Variants in UGT2B15 observed in about 807,000 individuals in gnomAD.
UGT2B15 encodes UDP glucuronosyltransferase family 2 member B15.
In UGT2B15, 36 loss-of-function variants were observed where a neutral mutation model predicts 45.9. The observed-to-expected ratio is 0.78, with a 90% CI of 0.60 to 1.04. The LOEUF (loss-of-function observed/expected upper bound fraction) is 1.04, where lower values mean the gene tolerates loss of function less well. UGT2B15 is among the 50% of genes least tolerant of loss of function. The probability of loss-of-function intolerance (pLI) is 0.00; values close to 1 mark genes in which losing one functional copy is unlikely to be tolerated. For synonymous variants in UGT2B15, 219 were observed against 216.4 expected (o/e 1.01, Z -0.11); for missense variants, 617 against 622.4 (o/e 0.99, Z 0.09).
At chr4:68,653,799 A>G (rs1353274190) in intron 5 of UGT2B15, among the ~76,000 whole-genome samples, 4 of 151,962 alleles carry the variant, frequency 2.6e-5, no homozygotes, top group African/African-American at 4.8e-5. Context: ...AATTATCTAC[A>G]TATCTTTAAT....
chr4:68,664,176 G>T (rs529884283), intron 2 of UGT2B15, among the ~76,000 whole-genome samples: 3 of 150,714 alleles, frequency 2.0e-5, no homozygotes, highest in African/African-American at 7.3e-5. Context: ...AAATGAATGA[G>T]AATTATTCTG....
intron 2 of UGT2B15, among the ~76,000 whole-genome samples, chr4:68,665,467 T>G (rs1430023628): frequency 2.0e-5 from 3 of 152,130 alleles, no homozygotes; most frequent in Non-Finnish European, 4.4e-5. Context: ...ATATTTGAAT[T>G]ATTTCCAGAG....
At chr4:68,655,243 G>A in intron 3 of UGT2B15, 61 bp from the exon 4 acceptor site, 1 of 1,548,110 alleles carries the variant, frequency 6.5e-7, no homozygotes, top group Non-Finnish European at 8.9e-7. Context: ...TAGCATGTTA[G>A]AATTCTGAAG....
At chr4:68,650,776 G>T in intron 5 of UGT2B15, among the ~76,000 whole-genome samples, 1 of 151,892 alleles carries the variant, frequency 6.6e-6, no homozygotes, top group East Asian at 1.9e-4. Context: ...AATGTAAAAA[G>T]CTTTCCTATT....
At chr4:68,652,452 T>G (rs1309319987) in intron 5 of UGT2B15, among the ~76,000 whole-genome samples, 5 of 151,602 alleles carry the variant, frequency 3.3e-5, no homozygotes, top group African/African-American at 1.2e-4. Flanking sequence ...TTTATGTTTC[T>G]TTACTTTCTT....
In UGT2B15 at chr4:68,651,734, T is replaced by C. The variant is rs377654259; in HGVS notation, c.1313+2303A>G. ...CTATGTTCTGTTCCATTGGTCTATA[T>C]ATCTGTTTGGTACCAGTACCATTCT... On this transcript the variant is annotated intron_variant, in intron 5 of 5. Coordinates refer to ENST00000338206, the MANE Select transcript of UGT2B15 (RefSeq NM_001076.4). Among the ~76,000 whole-genome samples the C allele has an allele frequency of 4.1e-4, 63 of 152,248 alleles. 1 individual carries two copies. The highest frequency in any genetic ancestry group is 1.5e-3 in the African/African-American group (61 of 41,538).
chr4:68,649,646 G>T (rs896243521), intron 5 of UGT2B15, among the ~76,000 whole-genome samples: 1 of 151,376 alleles, frequency 6.6e-6, no homozygotes, highest in Non-Finnish European at 1.5e-5. Context: ...TATATGTATG[G>T]ATACATATAT....
At chr4:68,664,342 G>A (rs937350761) in intron 2 of UGT2B15, among the ~76,000 whole-genome samples, 2 of 150,074 alleles carry the variant, frequency 1.3e-5, no homozygotes, top group African/African-American at 4.9e-5. Context: ...TATCAAAATT[G>A]TATACTCATC....
At position 68,670,117 on chromosome 4, in the gene UGT2B15, G is replaced by T. The variant is rs747378153; in HGVS notation, c.502C>A (p.Pro168Thr). 6.8e-6 allele frequency: 11 copies of T among 1,613,972 alleles called. No homozygotes were observed. Among genetic ancestry groups the T allele is most frequent in the Non-Finnish European group, 9.3e-6 (11 of 1,179,992 alleles). ...GAGAATCGAAGACTGTACAGAAAGG[G>T]TATGTTAAATAGTTCAGCCAGTAGC... The part of the protein sequence containing the change: ...GELLAELFNI[P>T]FLYSLRFSVG... Residue 168 changes from proline to threonine, a missense_variant, in exon 1 of 6, where the codon CCC becomes ACC. This residue lies in a region of UGT2B15 where 351 missense variants were observed against 342.1 expected (regional missense o/e 1.03). Transcript: ENST00000338206.
rs758884951 is a variant in UGT2B15 at position 68,647,170 on chromosome 4, G to C, written c.1527C>G (p.Ile509Met). Residue 509 changes from isoleucine (I) to methionine (M), a missense_variant, in exon 6 of 6, where the codon ATC becomes ATG. Physicochemically the swap from Ile to Met is conservative, Grantham distance 10. This residue lies in a region of UGT2B15 where 265 missense variants were observed against 245.1 expected (regional missense o/e 1.08). Coordinates refer to ENST00000338206, the MANE Select transcript of UGT2B15 (RefSeq NM_001076.4). The part of the protein sequence containing the change: ...LACVATVIFI[I>M]TKFCLFCFRK... ...GGAAACAAAACAGGCAAAATTTTGT[G>C]ATGATAAATATCACAGTTGCCACGC... 6.2e-7 allele frequency: 1 copy of C among 1,613,874 alleles called. No individual in the cohort carries two copies. Among genetic ancestry groups the C allele is most frequent in the South Asian group, 1.1e-5 (1 of 91,074 alleles).
intron 3 of UGT2B15, among the ~76,000 whole-genome samples, chr4:68,659,928 T>C (rs1226808858): frequency 7.7e-6 from 1 of 130,438 alleles, no homozygotes; most frequent in Non-Finnish European, 1.8e-5. Flanking sequence ...TCCTTTGTTT[T>C]GTTTTTTTTT....
At position 68,670,264 on chromosome 4, in the gene UGT2B15, C is replaced by A. The variant is rs1733268276; in HGVS notation, c.355G>T (p.Glu119Ter). 6.2e-7 allele frequency: 1 copy of A among 1,614,036 alleles called. No individual in the cohort carries two copies. Among genetic ancestry groups the A allele is most frequent in the South Asian group, 1.1e-5 (1 of 91,060 alleles). Residue 119 changes from glutamate (E) to a stop codon, truncating the protein, a stop_gained, in exon 1 of 6, where the codon GAA becomes TAA. Coordinates refer to ENST00000338206, the MANE Select transcript of UGT2B15 (RefSeq NM_001076.4). LOFTEE classifies it high-confidence loss of function. ...YFSQLQELCWEYYDYSNKLCK... is the reference protein window; with the variant it reads ...YFSQLQELCW ...AGCTTGTTACTGTAGTCATAATATTCCCAACACAATTCTTGTAATTGTGAA... is the reference window on the plus strand; with the variant it reads ...AGCTTGTTACTGTAGTCATAATATTACCAACACAATTCTTGTAATTGTGAA...
chr4:68,648,012 G>A (rs888931576), intron 5 of UGT2B15, among the ~76,000 whole-genome samples: 2 of 151,964 alleles, frequency 1.3e-5, no homozygotes. Flanking sequence ...ATGAACCACT[G>A]TGCCCAGCCC....
intron 3 of UGT2B15, among the ~76,000 whole-genome samples, chr4:68,657,403 T>C (rs971493842): frequency 2.0e-5 from 3 of 152,090 alleles, no homozygotes; most frequent in Non-Finnish European, 4.4e-5. Context: ...CTGAGACATG[T>C]AAGAGGGTGG....
rs144387473 is a variant in UGT2B15 at position 68,661,312 on chromosome 4, T to C, written c.1005+1696A>G. Among the ~76,000 whole-genome samples, 1,027 of 152,090 alleles carry C rather than the reference T, an allele frequency of 6.8e-3. 14 individuals carry two copies. The highest frequency in any genetic ancestry group is 0.024 in the African/African-American group (980 of 41,490). ...CTAATCAGAAAGTCAAAGGAATGCC[T>C]CCTCCCTGCTTCAAGTTGGCAAAAA... On this transcript the variant is annotated intron_variant, in intron 3 of 5. Transcript: ENST00000338206.
At chr4:68,649,638 T>C (rs1560602510) in intron 5 of UGT2B15, among the ~76,000 whole-genome samples, 1 of 151,958 alleles carries the variant, frequency 6.6e-6, no homozygotes. Context: ...ACCAGAGATA[T>C]ATGTATGGAT....
At chr4:68,652,197 G>C (rs1460622724) in intron 5 of UGT2B15, among the ~76,000 whole-genome samples, 2 of 151,884 alleles carry the variant, frequency 1.3e-5, no homozygotes, top group Non-Finnish European at 2.9e-5. Context: ...TCAGTGTATA[G>C]TAATGCTTGT....
chr4:68,657,148 A>G (rs1204180771), intron 3 of UGT2B15, among the ~76,000 whole-genome samples: 2 of 152,102 alleles, frequency 1.3e-5, no homozygotes, highest in African/African-American at 4.8e-5. Flanking sequence ...AAAATGAGAG[A>G]CTGAGTTTTC....
At chr4:68,653,908 C>G (rs929296004) in intron 5 of UGT2B15, 129 bp downstream of exon 5, 2 of 1,229,084 alleles carry the variant, frequency 1.6e-6, no homozygotes. Flanking sequence ...AAAGTAAGGA[C>G]AGATTTTACA....
Sources: allele counts gnomAD v4.1 joint callset (sites outside exome capture counted in the v4.1 genomes callset), GRCh38; gene constraint gnomAD v4.1.1; regional missense constraint gnomAD v4.1.1; transcripts MANE v1.5; gene names NCBI Gene and HGNC (gene_info 2026-07-23, HGNC 2026-07-21).